Variants in SCRT1 observed in about 807,000 individuals in gnomAD.
SCRT1 encodes the protein scratch family transcriptional repressor 1, also known as transcriptional repressor scratch 1.
A neutral mutation model predicts 3.4 loss-of-function variants in SCRT1; 1 was observed. The ratio of observed to expected loss-of-function variants is 0.29; its 90% confidence interval spans 0.10 to 1.39. The LOEUF (loss-of-function observed/expected upper bound fraction) is 1.39, where lower values mean the gene tolerates loss of function less well. Among genes scored for constraint, SCRT1 ranks in the 40% most tolerant of loss-of-function variants. The pLI, the probability that SCRT1 is intolerant of heterozygous loss-of-function variation, is 0.42. For synonymous variants in SCRT1, 238 were observed against 247.0 expected (o/e 0.96, Z 0.34); for missense variants, 380 against 526.3 (o/e 0.72, Z 2.72).
At chr8:144,334,137 A>G (rs1266046973) in intron 1 of SCRT1, 21 bp from the exon 2 acceptor site, 6 of 1,247,930 alleles carry the variant, frequency 4.8e-6, no homozygotes, top group Non-Finnish European at 5.2e-6. Flanking sequence ...AGGCGGACGG[A>G]CAGCGGGAAG....
In SCRT1 at chr8:144,332,430, A is replaced by C; in HGVS notation, c.*755T>G. Reference sequence around the variant, plus strand: ...GGGTGGGGGCCCGGGGCAGGGCGGAAGCGGGGTCTGAGGAGGTCGGATAAG... The same window carrying C: ...GGGTGGGGGCCCGGGGCAGGGCGGACGCGGGGTCTGAGGAGGTCGGATAAG... On this transcript the variant is annotated 3_prime_UTR_variant, in exon 2 of 2. Transcript: ENST00000569446. 1 of 150,866 alleles carries C rather than the reference A, an allele frequency of 6.6e-6. No homozygotes were observed. Among genetic ancestry groups the C allele is most frequent in the Non-Finnish European group, 1.5e-5 (1 of 67,816 alleles). 9.3% of individuals were successfully genotyped at this position (150,866 alleles called of 1,614,324 possible).
Position 144,333,162 on chromosome 8 carries a change from T to TG in SCRT1, c.*22dup. 6.8e-7 allele frequency: 1 copy of TG among 1,479,112 alleles called. No individual in the cohort carries two copies. Among genetic ancestry groups the TG allele is most frequent in the Non-Finnish European group, 8.9e-7 (1 of 1,120,760 alleles). 91.6% of individuals were successfully genotyped at this position (1,479,112 alleles called of 1,614,324 possible). A position where few individuals can be genotyped will look rare whatever the true frequency, so the allele number is the denominator to read the frequency against. ...GGGGCCGTATTGCTGAGAGCCGACC[T>TG]GGCTGGGGGAGGCCCCGCCGCCCTA... On this transcript the variant is annotated 3_prime_UTR_variant, in exon 2 of 2. Transcript: ENST00000569446.
In SCRT1 at chr8:144,336,371, C is replaced by CTCCTTCCTTCAA; in HGVS notation, c.-214_-203dup. ...TTGCCCCTCCGGATCCCTCTTCTTC[C>CTCCTTCCTTCAA]TCCTTCCTTCAATCCTTCCTTCCTT... On this transcript the variant is annotated 5_prime_UTR_variant, in exon 1 of 2. Coordinates refer to ENST00000569446, the MANE Select transcript of SCRT1 (RefSeq NM_031309.6). The surrounding 1 kb of genome is among the most constrained non-coding windows in gnomAD (Gnocchi z 6.8). 1 of 509,018 alleles carries CTCCTTCCTTCAA rather than the reference C, an allele frequency of 2.0e-6. No individual in the cohort carries two copies. Among genetic ancestry groups the CTCCTTCCTTCAA allele is most frequent in the Non-Finnish European group, 3.5e-6 (1 of 285,446 alleles). 31.5% of individuals were successfully genotyped at this position (509,018 alleles called of 1,614,324 possible). A position where few individuals can be genotyped will look rare whatever the true frequency, so the allele number is the denominator to read the frequency against.
Position 144,332,841 on chromosome 8 carries a change from G to A in SCRT1, c.*344C>T, listed in dbSNP as rs1554849751. ...CGACGCGATCCAGGGGCGCAGAGGC[G>A]GGAGAAGGAGGGCGCTCCCTACCTC... On this transcript the variant is annotated 3_prime_UTR_variant, in exon 2 of 2. Transcript: ENST00000569446. The A allele has an allele frequency of 8.4e-6, 2 of 236,874 alleles. No individual in the cohort carries two copies. Among genetic ancestry groups the A allele is most frequent in the Admixed American group, 5.4e-5 (1 of 18,688 alleles). The allele number at this position is 236,874 out of a possible 1,614,324, so 14.7% of individuals were successfully genotyped here.
chr8:144,335,163 C>T lies in SCRT1; in HGVS notation c.115+892G>A, dbSNP rs1017921223. ...ACTGATGTGCCGAACTCACCACCTCCTCACTCACGCAGGGTCACACATGCA... is the reference window on the plus strand; with the variant it reads ...ACTGATGTGCCGAACTCACCACCTCTTCACTCACGCAGGGTCACACATGCA... On this transcript the variant is annotated intron_variant, in intron 1 of 1. Transcript: ENST00000569446. This position sits in a 1 kb window ranked among gnomAD's most constrained non-coding sequence, Gnocchi z 7.7. 1.3e-5 allele frequency among the ~76,000 whole-genome samples: 2 copies of T among 152,242 alleles called. No individual in the cohort carries two copies. The highest frequency in any genetic ancestry group is 1.3e-4 in the Admixed American group (2 of 15,286).
rs1321116990 is a variant in SCRT1 at position 144,335,679 on chromosome 8, G to A, written c.115+376C>T. Among the ~76,000 whole-genome samples, 1 of 152,218 alleles carries A rather than the reference G, an allele frequency of 6.6e-6. No homozygotes were observed. Among genetic ancestry groups the A allele is most frequent in the Admixed American group, 6.5e-5 (1 of 15,288 alleles). On this transcript the variant is annotated intron_variant, in intron 1 of 1. Transcript: ENST00000569446. This position sits in a 1 kb window ranked among gnomAD's most constrained non-coding sequence, Gnocchi z 7.7. Reference sequence around the variant, plus strand: ...CTGGTGCAGTCAAGGAAGAGGAGAGGGTGGCGAGGCGGCCCTGGTCTCTTG... The same window carrying A: ...CTGGTGCAGTCAAGGAAGAGGAGAGAGTGGCGAGGCGGCCCTGGTCTCTTG...
chr8:144,334,389 A>G (rs1173604464), intron 1 of SCRT1, among the ~76,000 whole-genome samples: 1 of 151,424 alleles, frequency 6.6e-6, no homozygotes, highest in African/African-American at 2.4e-5. Context: ...AGGAGGAGAG[A>G]GGCGCGTCTT....
At position 144,333,200 on chromosome 8, in the gene SCRT1, G is replaced by A; in HGVS notation, c.1032C>T (p.Ser344=). 6.3e-7 allele frequency: 1 copy of A among 1,575,088 alleles called. No homozygotes were observed. The highest frequency in any genetic ancestry group is 8.6e-7 in the Non-Finnish European group (1 of 1,162,634). The change falls in exon 2 of 2, where the codon AGC becomes AGT. Residue 344 remains serine (S), a synonymous_variant. Coordinates refer to ENST00000569446, the MANE Select transcript of SCRT1 (RefSeq NM_031309.6). ...CCCCGCCGCCCTAGGCCTGCACAGG[G>A]CTGAGCTGTGGCGGCGCAGGAGCCG... ...GPAAPAPPQL[S]PVQA is the part of the protein sequence containing the mutation.
In SCRT1 at chr8:144,335,097, G is replaced by A. The variant is rs550682492; in HGVS notation, c.115+958C>T. ...CTTCAGGGCTACACCCAGTCTCCCA[G>A]CATGATCAGCCCTTGTGTGCCCTCA... On this transcript the variant is annotated intron_variant, in intron 1 of 1. Transcript: ENST00000569446. The surrounding 1 kb of genome is among the most constrained non-coding windows in gnomAD (Gnocchi z 7.7). 6.6e-6 allele frequency among the ~76,000 whole-genome samples: 1 copy of A among 152,336 alleles called. No homozygotes were observed. The highest frequency in any genetic ancestry group is 2.1e-4 in the South Asian group (1 of 4,834).
In SCRT1 at chr8:144,334,220, G is replaced by A. The variant is rs1554850108; in HGVS notation, c.116-104C>T. On this transcript the variant is annotated intron_variant, in intron 1 of 1. Coordinates refer to ENST00000569446, the MANE Select transcript of SCRT1 (RefSeq NM_031309.6). ...ACAGCAGACGCGGACCGGGAGACCC[G>A]GGTCCGGGAGAGAGGCGAACAGGGA... 34 of 892,034 alleles carry A rather than the reference G, an allele frequency of 3.8e-5. No homozygotes were observed. The South Asian group carries it at 5.5e-4, about 14-fold the overall frequency. 55.3% of individuals were successfully genotyped at this position (892,034 alleles called of 1,614,324 possible).
chr8:144,335,066 T>G lies in SCRT1; in HGVS notation c.116-950A>C, dbSNP rs1055145411. ...CAAATGCACGCCCCTCGCGACGCTCTGCCTCCTTCAGGGCTACACCCAGTC... is the reference window on the plus strand; with the variant it reads ...CAAATGCACGCCCCTCGCGACGCTCGGCCTCCTTCAGGGCTACACCCAGTC... On this transcript the variant is annotated intron_variant, in intron 1 of 1. Coordinates refer to ENST00000569446, the MANE Select transcript of SCRT1 (RefSeq NM_031309.6). The surrounding 1 kb of genome is among the most constrained non-coding windows in gnomAD (Gnocchi z 7.7). Among the ~76,000 whole-genome samples, 1 of 152,248 alleles carries G rather than the reference T, an allele frequency of 6.6e-6. No individual in the cohort carries two copies.
Position 144,333,524 on chromosome 8 carries a change from G to A in SCRT1, c.708C>T (p.Ala236=). 6.2e-7 allele frequency: 1 copy of A among 1,607,390 alleles called. No individual in the cohort carries two copies. The highest frequency in any genetic ancestry group is 8.5e-7 in the Non-Finnish European group (1 of 1,178,396). Residue 236 remains alanine, a synonymous_variant, in exon 2 of 2, where the codon GCC becomes GCT. Coordinates refer to ENST00000569446, the MANE Select transcript of SCRT1 (RefSeq NM_031309.6). ...TCGKVYVSMP[A]MAMHLLTHDL... is the part of the protein sequence containing the mutation. ...CGTGCGTGAGCAGGTGCATGGCCAT[G>A]GCCGGCATGGACACGTACACCTTGC...
In SCRT1 at chr8:144,334,122, G is replaced by T. The variant is rs1554850067; in HGVS notation, c.116-6C>A. On this transcript the variant is annotated splice_polypyrimidine_tract_variant and splice_region_variant and intron_variant, in intron 1 of 1. Transcript: ENST00000569446. ...CACGTAGTCGCTGAGGTACCCTGCG[G>T]GCGGAGGCGGACGGACAGCGGGAAG... 1 of 1,527,902 alleles carries T rather than the reference G, an allele frequency of 6.5e-7. No individual in the cohort carries two copies. The highest frequency in any genetic ancestry group is 8.8e-7 in the Non-Finnish European group (1 of 1,140,932). The allele number at this position is 1,527,902 out of a possible 1,614,324, so 94.6% of individuals were successfully genotyped here.
chr8:144,332,987 G>T lies in SCRT1; in HGVS notation c.*198C>A. ...AGGGGAGGGGAGGGGGCTCGGGGTG[G>T]GTCTCCCCTCGGGACCCTATTGCTT... On this transcript the variant is annotated 3_prime_UTR_variant, in exon 2 of 2. Transcript: ENST00000569446. 1.9e-6 allele frequency: 1 copy of T among 521,024 alleles called. No homozygotes were observed. Among genetic ancestry groups the T allele is most frequent in the Non-Finnish European group, 3.3e-6 (1 of 301,152 alleles). 32.3% of individuals were successfully genotyped at this position (521,024 alleles called of 1,614,324 possible). A position where few individuals can be genotyped will look rare whatever the true frequency, so the allele number is the denominator to read the frequency against.
Position 144,331,517 on chromosome 8 carries a change from T to G in SCRT1, c.*1668A>C, listed in dbSNP as rs563208934. On this transcript the variant is annotated 3_prime_UTR_variant, in exon 2 of 2. Coordinates refer to ENST00000569446, the MANE Select transcript of SCRT1 (RefSeq NM_031309.6). ...GGCCCACCCAAGCCGGTTGGACCCC[T>G]GTCCTGCAAACACACCTCCCAGCAG... 1 of 150,294 alleles carries G rather than the reference T, an allele frequency of 6.7e-6. No individual in the cohort carries two copies. Among genetic ancestry groups the G allele is most frequent in the East Asian group, 1.9e-4 (1 of 5,192 alleles). The allele number at this position is 150,294 out of a possible 1,614,324, so 9.3% of individuals were successfully genotyped here. A position where few individuals can be genotyped will look rare whatever the true frequency, so the allele number is the denominator to read the frequency against.
At position 144,336,163 on chromosome 8, in the gene SCRT1, T is replaced by G. The variant is rs781966780; in HGVS notation, c.7A>C (p.Arg3=). ...TTGACCTTCTTGACCAGGAAGGACCTGGGCATGATTCCTGCGGGGCTCCGG... is the reference window on the plus strand; with the variant it reads ...TTGACCTTCTTGACCAGGAAGGACCGGGGCATGATTCCTGCGGGGCTCCGG... MP[R]SFLVKKVKLD... Residue 3 remains arginine, a synonymous_variant, in exon 1 of 2, where the codon AGG becomes CGG. Coordinates refer to ENST00000569446, the MANE Select transcript of SCRT1 (RefSeq NM_031309.6). This position sits in a 1 kb window ranked among gnomAD's most constrained non-coding sequence, Gnocchi z 6.8. The G allele has an allele frequency of 1.9e-6, 3 of 1,597,334 alleles. No individual in the cohort carries two copies. In the South Asian group the frequency reaches 3.4e-5, roughly 18 times the overall value.
rs1554849903 is a variant in SCRT1 at position 144,333,620 on chromosome 8, C to T, written c.612G>A (p.Ser204=). The T allele has an allele frequency of 6.2e-7, 1 of 1,607,430 alleles. No individual in the cohort carries two copies. The highest frequency in any genetic ancestry group is 1.1e-5 in the South Asian group (1 of 90,706). Residue 204 remains serine (S), a synonymous_variant, in exon 2 of 2, where the codon TCG becomes TCA. Transcript: ENST00000569446. ...GECGKTYATS[S]NLSRHKQTHR... ...GCGTCTGCTTGTGGCGGCTCAGGTT[C>T]GACGACGTGGCGTATGTTTTGCCGC...
Position 144,333,459 on chromosome 8 carries a change from G to GA in SCRT1, c.772dup (p.Ser258PhefsTer199), listed in dbSNP as rs1817826811. On this transcript the variant is annotated frameshift_variant, in exon 2 of 2. Coordinates refer to ENST00000569446, the MANE Select transcript of SCRT1 (RefSeq NM_031309.6). LOFTEE classifies it low-confidence loss of function (END_TRUNC). The stretch of plus-strand genomic sequence containing the variant: ...GTGGCCCTGCAGCAGCCAGGGCCGC[G>GA]AGAAGGCTTTGCCGCACACGCCGCA... 1 of 1,602,402 alleles carries GA rather than the reference G, an allele frequency of 6.2e-7. No individual in the cohort carries two copies. The highest frequency in any genetic ancestry group is 8.5e-7 in the Non-Finnish European group (1 of 1,176,830).
chr8:144,333,020 C>A lies in SCRT1; in HGVS notation c.*165G>T. 1.6e-6 allele frequency: 1 copy of A among 609,260 alleles called. No homozygotes were observed. Among genetic ancestry groups the A allele is most frequent in the South Asian group, 2.4e-5 (1 of 42,194 alleles). 37.7% of individuals were successfully genotyped at this position (609,260 alleles called of 1,614,324 possible). A position where few individuals can be genotyped will look rare whatever the true frequency, so the allele number is the denominator to read the frequency against. On this transcript the variant is annotated 3_prime_UTR_variant, in exon 2 of 2. Transcript: ENST00000569446. ...CTCGGGACCCTATTGCTTGAAGGGG[C>A]CGGCAAGGCCCCTGGCGGGCGGGGC...
Sources: gnomAD v4.1 joint callset for allele counts (sites outside exome capture counted in the v4.1 genomes callset) on GRCh38, gnomAD v4.1.1 for gene constraint, Gnocchi (gnomAD v3.1) non-coding constraint, MANE v1.5 for transcripts, NCBI Gene and HGNC (gene_info 2026-07-23, HGNC 2026-07-21) for gene names.